HEPH: variants seen among roughly 807,000 people sequenced by gnomAD.
HEPH encodes the protein hephaestin.
HEPH carries 69 observed loss-of-function variants against 80.8 expected under a neutral mutation model. The observed-to-expected ratio is 0.85, with a 90% CI of 0.70 to 1.04. The LOEUF (loss-of-function observed/expected upper bound fraction) is 1.04. Among genes scored for constraint, HEPH ranks in the 50% least tolerant of loss-of-function variants. HEPH has a pLI of 0.00. For missense variants in HEPH, 1,115 were observed against 891.3 expected (o/e 1.25, Z -3.20); for synonymous variants, 431 against 322.8 (o/e 1.34, Z -3.60).
intron 15 of HEPH, among the ~76,000 whole-genome samples, chrX:66,229,610 A>G (rs965139547): frequency 3.6e-5 from 4 of 111,753 alleles, no homozygotes; most frequent in African/African-American, 1.3e-4. Flanking sequence ...AAATAAAAAT[A>G]AAACATTTTG....
In HEPH at chrX:66,229,768, C is replaced by CT. The variant is rs200599195; in HGVS notation, c.2563+21531dup. The stretch of plus-strand genomic sequence containing the variant: ...TCCTACTCTCCAAAGAAAATTTACT[C>CT]TTTTTTTTTGTTTTGTTTTATTATA... On this transcript the variant is annotated intron_variant, in intron 15 of 20. Coordinates refer to ENST00000343002, the MANE Select transcript of HEPH (RefSeq NM_001367233.3). 7.0e-3 allele frequency among the ~76,000 whole-genome samples: 767 copies of CT among 109,883 alleles called. 5 individuals are homozygous for CT. Among genetic ancestry groups the CT allele is most frequent in the African/African-American group, 0.024 (735 of 30,237 alleles).
At chrX:66,249,113 G>T (rs749059116) in intron 15 of HEPH, among the ~76,000 whole-genome samples, 1 of 111,233 alleles carries the variant, frequency 9.0e-6, no homozygotes, top group Non-Finnish European at 1.9e-5. Context: ...GAGGACCCAC[G>T]TGAGTAGAAA....
intron 15 of HEPH, 42 bp from the exon 16 acceptor site, chrX:66,254,993 T>A (rs2091127937): frequency 1.0e-6 from 1 of 990,867 alleles, no homozygotes; most frequent in African/African-American, 1.9e-5. Flanking sequence ...TGAGAGAAAT[T>A]TCTGACCCGG....
At position 66,189,742 on chromosome X, in the gene HEPH, T is replaced by C. The variant is rs752619026; in HGVS notation, c.867T>C (p.Arg289=). 1 of 1,211,291 alleles carries C rather than the reference T, an allele frequency of 8.3e-7. No individual in the cohort carries two copies. Among genetic ancestry groups the C allele is most frequent in the South Asian group, 1.8e-5 (1 of 56,972 alleles). ...LPELNMCAQK[R]VAWHLFGMGN... is the part of the protein sequence containing the mutation. ...AGCTGAACATGTGTGCACAGAAACG[T>C]GTGGCCTGGCACTTGTTTGGCATGG... is the stretch of plus-strand genomic sequence containing the variant. Residue 289 remains arginine (R), a synonymous_variant, in exon 6 of 21, where the codon CGT becomes CGC. Coordinates refer to ENST00000343002, the MANE Select transcript of HEPH (RefSeq NM_001367233.3).
chrX:66,258,375 A>G (rs1467097960), intron 17 of HEPH, among the ~76,000 whole-genome samples: 1 of 111,535 alleles, frequency 9.0e-6, no homozygotes, highest in Non-Finnish European at 1.9e-5. Context: ...AAAAATGGGT[A>G]AAAGAAGGCA....
intron 15 of HEPH, among the ~76,000 whole-genome samples, chrX:66,238,388 A>C (rs1464182820): frequency 1.8e-5 from 2 of 111,375 alleles, no homozygotes; most frequent in Non-Finnish European, 3.8e-5. Context: ...TAGCTTGGCC[A>C]GATATGGAAT....
At chrX:66,220,138 G>A (rs2089578958) in intron 15 of HEPH, among the ~76,000 whole-genome samples, 2 of 111,367 alleles carry the variant, frequency 1.8e-5, no homozygotes, top group Non-Finnish European at 3.8e-5. Context: ...AACTGGGTCT[G>A]TAGGTACTAA....
chrX:66,208,298 C>T (rs1602346200), intron 15 of HEPH, 52 bp downstream of exon 15: 1 of 1,128,073 alleles, frequency 8.9e-7, no homozygotes, highest in East Asian at 3.1e-5. Context: ...ACGTCTGCTT[C>T]AGGCTTCTGG....
At chrX:66,189,372 A>G (rs2087669340) in intron 5 of HEPH, among the ~76,000 whole-genome samples, 2 of 112,618 alleles carry the variant, frequency 1.8e-5, no homozygotes, top group South Asian at 7.3e-4. Context: ...TAAATTCCTT[A>G]GAGAGCTTCT....
chrX:66,207,229 C>A lies in HEPH; in HGVS notation c.2326C>A (p.Leu776Ile), dbSNP rs1339180746. Residue 776 changes from leucine (L) to isoleucine (I), a missense_variant, in exon 14 of 21, where the codon CTC (leucine) becomes ATC (isoleucine). Leu to Ile is a conservative substitution (Grantham distance 5, BLOSUM62 2). Coordinates refer to ENST00000343002, the MANE Select transcript of HEPH (RefSeq NM_001367233.3). ...CATTTTCCTGAGCAACAAGGATGGG[C>A]TCCTGGGTTCCAGATACAAGAAAGC... ...GYIFLSNKDG[L>I]LGSRYKKAVF... The A allele has an allele frequency of 1.7e-6, 2 of 1,205,914 alleles. No homozygotes were observed. Among genetic ancestry groups the A allele is most frequent in the Non-Finnish European group, 2.2e-6 (2 of 892,002 alleles).
chrX:66,211,685 G>T (rs772251485), intron 15 of HEPH, among the ~76,000 whole-genome samples: 1 of 111,096 alleles, frequency 9.0e-6, no homozygotes, highest in Admixed American at 9.5e-5. Flanking sequence ...TCTTTTTTAT[G>T]GCTGAATAGT....
At chrX:66,177,781 T>C (rs1396353199) in intron 4 of HEPH, among the ~76,000 whole-genome samples, 1 of 111,661 alleles carries the variant, frequency 9.0e-6, no homozygotes, top group African/African-American at 3.3e-5. Flanking sequence ...TTTGTTCTTG[T>C]TTCTCTAGTT....
At chrX:66,217,272 G>T (rs768776044) in intron 15 of HEPH, among the ~76,000 whole-genome samples, 1 of 111,049 alleles carries the variant, frequency 9.0e-6, no homozygotes, top group African/African-American at 3.3e-5. Context: ...ATTATAAAAA[G>T]TTGGGAGGCA....
At chrX:66,206,121 C>G (rs1015694398) in intron 13 of HEPH, among the ~76,000 whole-genome samples, 1 of 110,329 alleles carries the variant, frequency 9.1e-6, no homozygotes, top group East Asian at 2.8e-4. Flanking sequence ...AGATTTCATT[C>G]CCTCCCTATG....
At chrX:66,256,934 G>A (rs1357738836) in intron 17 of HEPH, among the ~76,000 whole-genome samples, 3 of 112,102 alleles carry the variant, frequency 2.7e-5, no homozygotes, top group African/African-American at 9.7e-5. Flanking sequence ...GCCTTCCTTT[G>A]TTTGAGAGAT....
At chrX:66,252,046 C>T (rs928699786) in intron 15 of HEPH, among the ~76,000 whole-genome samples, 12 of 111,497 alleles carry the variant, frequency 1.1e-4, no homozygotes, top group Admixed American at 4.8e-4. Flanking sequence ...AAGATAATAG[C>T]GCAGACTATG....
At chrX:66,205,674 C>T (rs1017801711) in intron 13 of HEPH, among the ~76,000 whole-genome samples, 3 of 108,547 alleles carry the variant, frequency 2.8e-5, no homozygotes, top group African/African-American at 1.0e-4. Flanking sequence ...TGGCTCACTG[C>T]AACCACCACC....
At chrX:66,214,617 C>G (rs1209934858) in intron 15 of HEPH, among the ~76,000 whole-genome samples, 1 of 111,523 alleles carries the variant, frequency 9.0e-6, no homozygotes, top group African/African-American at 3.2e-5. Context: ...CTTCTGTTAA[C>G]TTTATAAGTT....
At chrX:66,206,334 G>T (rs1418956403) in intron 13 of HEPH, among the ~76,000 whole-genome samples, 71 of 45,675 alleles carry the variant, frequency 1.6e-3, no homozygotes, top group African/African-American at 4.0e-3. Context: ...AAGGAAACCT[G>T]CCATCTTTTT....
Sources: allele counts gnomAD v4.1 joint callset (sites outside exome capture counted in the v4.1 genomes callset), GRCh38; gene constraint gnomAD v4.1.1; transcripts MANE v1.5; gene names NCBI Gene and HGNC (gene_info 2026-07-23, HGNC 2026-07-21).